Variants in SLC9A2 observed in about 807,000 individuals in gnomAD.
SLC9A2 encodes the protein sodium/hydrogen exchanger 2.
A neutral mutation model predicts 71.7 loss-of-function variants in SLC9A2; 42 were observed. The observed-to-expected ratio is 0.59, with a 90% confidence interval of 0.46 to 0.76. SLC9A2 has a LOEUF of 0.76. Among genes scored for constraint, SLC9A2 ranks in the 30% least tolerant of loss-of-function variants. The probability of loss-of-function intolerance (pLI) is 0.00; values close to 1 mark genes in which losing one functional copy is unlikely to be tolerated. For synonymous variants in SLC9A2, 396 were observed against 392.5 expected (o/e 1.01, Z -0.10); for missense variants, 829 against 1,017.4 (o/e 0.81, Z 2.52).
intron 3 of SLC9A2, among the ~76,000 whole-genome samples, chr2:102,676,072 CT>C (rs371870682): frequency 0.011 from 1,718 of 152,328 alleles, 32 homozygotes; most frequent in African/African-American, 0.04. Context: ...GCTGTAAGAA[CT>C]TCCAGAAAGC....
chr2:102,673,755 AG>A (rs1394051374), intron 3 of SLC9A2, among the ~76,000 whole-genome samples: 11 of 152,194 alleles, frequency 7.2e-5, no homozygotes, highest in African/African-American at 2.4e-4. Context: ...CAAGATAATA[AG>A]TCAGAAATGT....
intron 3 of SLC9A2, among the ~76,000 whole-genome samples, chr2:102,671,298 C>T (rs1376922955): frequency 6.6e-6 from 1 of 152,160 alleles, no homozygotes; most frequent in Non-Finnish European, 1.5e-5. Context: ...ACTGATAGCT[C>T]TGACTGGCCA....
At chr2:102,625,086 C>T (rs1361788731) in intron 1 of SLC9A2, among the ~76,000 whole-genome samples, 2 of 152,048 alleles carry the variant, frequency 1.3e-5, no homozygotes, top group African/African-American at 4.8e-5. Context: ...TCAGGAGTTT[C>T]TGGTGGCAGG....
intron 5 of SLC9A2, among the ~76,000 whole-genome samples, chr2:102,691,014 C>T (rs142030432): frequency 1.5e-4 from 23 of 148,502 alleles, no homozygotes; most frequent in African/African-American, 5.2e-4. Flanking sequence ...ATGACACTCA[C>T]ATCGCAGTTG....
chr2:102,639,152 C>T (rs1676525411), intron 1 of SLC9A2, among the ~76,000 whole-genome samples: 1 of 152,110 alleles, frequency 6.6e-6, no homozygotes, highest in Non-Finnish European at 1.5e-5. Context: ...CTACTGCACT[C>T]CAGCCTGGGT....
chr2:102,646,444 A>G (rs912836536), intron 1 of SLC9A2, among the ~76,000 whole-genome samples: 1 of 152,188 alleles, frequency 6.6e-6, no homozygotes, highest in African/African-American at 2.4e-5. Context: ...TCAAATTCAC[A>G]CATAACAACA....
chr2:102,649,434 A>G (rs111921818), intron 1 of SLC9A2, among the ~76,000 whole-genome samples: 10,095 of 152,294 alleles, frequency 0.066, 1,092 homozygotes, highest in African/African-American at 0.23. Context: ...AATGACTAAA[A>G]CACCAAAAGC....
At chr2:102,664,529 C>G (rs1007691002) in intron 2 of SLC9A2, among the ~76,000 whole-genome samples, 3 of 151,236 alleles carry the variant, frequency 2.0e-5, no homozygotes, top group Non-Finnish European at 4.4e-5. Flanking sequence ...TTGGGTGTGT[C>G]TCAGTTACAC....
intron 1 of SLC9A2, among the ~76,000 whole-genome samples, chr2:102,625,153 T>C (rs1676222220): frequency 6.6e-6 from 1 of 152,120 alleles, no homozygotes; most frequent in South Asian, 2.1e-4. Flanking sequence ...TCTCAAAGCC[T>C]CCATCTTCTC....
chr2:102,703,717 A>G (rs1410105083), intron 9 of SLC9A2, among the ~76,000 whole-genome samples: 2 of 152,238 alleles, frequency 1.3e-5, no homozygotes, highest in Non-Finnish European at 2.9e-5. Flanking sequence ...CCCAAGAAGT[A>G]CATGTTTATT....
At position 102,672,396 on chromosome 2, in the gene SLC9A2, T is replaced by C; in HGVS notation, c.1004+7046T>C. On this transcript the variant is annotated intron_variant, in intron 3 of 11. Transcript: ENST00000233969. ...AGTGCTCACCACTAGTGTTTTCTAC[T>C]TGGATATTTGAAGACTTGGTGACAT... 2.0e-5 allele frequency among the ~76,000 whole-genome samples: 3 copies of C among 152,256 alleles called. No individual in the cohort carries two copies. The Middle Eastern group carries it at 0.01, about 518-fold the overall frequency.
At chr2:102,674,175 C>T (rs1427832874) in intron 3 of SLC9A2, among the ~76,000 whole-genome samples, 3 of 152,116 alleles carry the variant, frequency 2.0e-5, no homozygotes, top group South Asian at 2.1e-4. Context: ...GAGGATGACA[C>T]GCTTCGACAC....
rs939789891 is a variant in SLC9A2 at position 102,708,027 on chromosome 2, G to C, written c.2069-92G>C. ...TCCCCTCTCCCCAGAGCCCCAGGAC[G>C]TATCAGTTGCCTGACTCACTAAGGT... On this transcript the variant is annotated intron_variant, in intron 11 of 11. Transcript: ENST00000233969. 16 of 1,354,928 alleles carry C rather than the reference G, an allele frequency of 1.2e-5. No homozygotes were observed. In the Admixed American group the frequency reaches 3.0e-4, roughly 25 times the overall value. The allele number at this position is 1,354,928 out of a possible 1,614,324, so 83.9% of individuals were successfully genotyped here. A position where few individuals can be genotyped will look rare whatever the true frequency, so the allele number is the denominator to read the frequency against.
intron 1 of SLC9A2, among the ~76,000 whole-genome samples, chr2:102,631,296 T>C (rs551169704): frequency 4.7e-4 from 71 of 150,420 alleles, no homozygotes; most frequent in South Asian, 2.5e-3. Flanking sequence ...CATCTTTTCT[T>C]TTTTTTTTGT....
At position 102,682,388 on chromosome 2, in the gene SLC9A2, G is replaced by A. The variant is rs150750475; in HGVS notation, c.1005-873G>A. On this transcript the variant is annotated intron_variant, in intron 3 of 11. Transcript: ENST00000233969. ...TTCAGGTTGGGCAATTCCATACAGC[G>A]GAGGCACATGGTGTGTGCCGGGGTG... 9.0e-3 allele frequency among the ~76,000 whole-genome samples: 1,373 copies of A among 152,254 alleles called. 15 individuals are homozygous for A. The highest frequency in any genetic ancestry group is 0.014 in the Non-Finnish European group (976 of 68,020).
At chr2:102,663,996 C>T (rs1027486752) in intron 2 of SLC9A2, among the ~76,000 whole-genome samples, 4 of 152,162 alleles carry the variant, frequency 2.6e-5, no homozygotes, top group African/African-American at 7.2e-5. Context: ...AAACAACAGG[C>T]TGGGCGTGGT....
intron 1 of SLC9A2, among the ~76,000 whole-genome samples, chr2:102,656,856 G>C (rs1176058344): frequency 1.3e-5 from 2 of 152,118 alleles, no homozygotes; most frequent in African/African-American, 4.8e-5. Flanking sequence ...GTTTTTATGA[G>C]GATGAAATGA....
At chr2:102,700,632 C>G (rs1401429696) in intron 7 of SLC9A2, among the ~76,000 whole-genome samples, 1 of 152,064 alleles carries the variant, frequency 6.6e-6, no homozygotes, top group Non-Finnish European at 1.5e-5. Context: ...AAGAGAGAAT[C>G]AGAGGAGAGG....
chr2:102,657,384 G>T (rs1465404242), intron 1 of SLC9A2, among the ~76,000 whole-genome samples, 180 bp from the exon 2 acceptor site: 1 of 152,088 alleles, frequency 6.6e-6, no homozygotes, highest in Non-Finnish European at 1.5e-5. Context: ...TGTGCTTCAT[G>T]AATAGTTTTA....
Sources: allele counts gnomAD v4.1 joint callset (sites outside exome capture counted in the v4.1 genomes callset), GRCh38; gene constraint gnomAD v4.1.1; transcripts MANE v1.5; gene names NCBI Gene and HGNC (gene_info 2026-07-23, HGNC 2026-07-21).